The following DNM3 variants were observed in gnomAD, a reference collection of about 807,000 sequenced individuals.
The protein encoded by DNM3 is dynamin 3.
DNM3 carries 47 observed loss-of-function variants against 101.6 expected under a neutral mutation model. That is an observed-to-expected ratio of 0.46 (90% confidence interval 0.37 to 0.59). The LOEUF (loss-of-function observed/expected upper bound fraction) is 0.59. DNM3 is among the 20% of genes least tolerant of loss of function. The pLI is 0.00. For missense variants in DNM3, 849 were observed against 1,085.7 expected (o/e 0.78, Z 3.06); for synonymous variants, 385 against 387.9 (o/e 0.99, Z 0.09).
intron 15 of DNM3, among the ~76,000 whole-genome samples, chr1:172,299,219 A>G (rs1167937605): frequency 6.6e-6 from 1 of 152,226 alleles, no homozygotes; most frequent in African/African-American, 2.4e-5. Context: ...TGGCACAGAA[A>G]GAGCAAAGTG....
chr1:172,069,563 G>A (rs1055258011), intron 11 of DNM3, among the ~76,000 whole-genome samples: 3 of 152,140 alleles, frequency 2.0e-5, no homozygotes, highest in Admixed American at 1.3e-4. Flanking sequence ...AAAGGACTAC[G>A]TGGAAAGAAT....
At chr1:172,257,584 A>C (rs1179403557) in intron 15 of DNM3, among the ~76,000 whole-genome samples, 1 of 152,006 alleles carries the variant, frequency 6.6e-6, no homozygotes, top group Admixed American at 6.6e-5. Context: ...TTTTTTATTG[A>C]TACATAATAT....
intron 2 of DNM3, among the ~76,000 whole-genome samples, chr1:171,941,472 G>A (rs558161737): frequency 1.3e-5 from 2 of 152,298 alleles, no homozygotes; most frequent in African/African-American, 4.8e-5. Flanking sequence ...GTAGAGTGAG[G>A]AAGAATAGTG....
chr1:172,235,693 T>C (rs2061514553), intron 14 of DNM3, among the ~76,000 whole-genome samples: 1 of 152,110 alleles, frequency 6.6e-6, no homozygotes. Flanking sequence ...ATGTCCTTTG[T>C]AGGGACATGG....
chr1:172,304,430 T>C (rs2064673924), intron 15 of DNM3, among the ~76,000 whole-genome samples: 2 of 151,826 alleles, frequency 1.3e-5, no homozygotes, highest in African/African-American at 4.8e-5. Flanking sequence ...TCCCATACAA[T>C]AAGGGGAGAT....
chr1:172,396,281 G>A (rs1008334268), intron 20 of DNM3, among the ~76,000 whole-genome samples: 2 of 152,144 alleles, frequency 1.3e-5, no homozygotes, highest in African/African-American at 4.8e-5. Flanking sequence ...AGCAAAATTC[G>A]CAGTCACTCA....
At chr1:171,997,462 T>C (rs916670934) in intron 4 of DNM3, among the ~76,000 whole-genome samples, 7 of 152,052 alleles carry the variant, frequency 4.6e-5, no homozygotes, top group African/African-American at 1.7e-4. Flanking sequence ...GGATTTAGAG[T>C]AAAGGAGCAG....
rs2045460955 is a variant in DNM3 at position 171,988,961 on chromosome 1, T to A, written c.402T>A (p.Leu134=). ...TCCACACAGTGTTAAATCTAACCCT[T>A]ATTGATCTACCTGGAATAACTAAAG... ...VYSPHVLNLT[L]IDLPGITKVP... is the part of the protein sequence containing the mutation. The change falls in exon 4 of 21, where the codon CTT becomes CTA. Residue 134 remains leucine (L), a synonymous_variant. Coordinates refer to ENST00000627582, the MANE Select transcript of DNM3 (RefSeq NM_015569.5). 1.3e-6 allele frequency: 2 copies of A among 1,593,354 alleles called. No homozygotes were observed. The highest frequency in any genetic ancestry group is 1.8e-5 in the Admixed American group (1 of 56,870).
At chr1:172,135,745 T>C (rs1396020616) in intron 14 of DNM3, among the ~76,000 whole-genome samples, 2 of 152,082 alleles carry the variant, frequency 1.3e-5, no homozygotes, top group African/African-American at 4.8e-5. Flanking sequence ...ATTAATACTT[T>C]AAAATCAGAC....
chr1:172,059,434 C>T (rs1278018853), intron 10 of DNM3, among the ~76,000 whole-genome samples: 3 of 113,990 alleles, frequency 2.6e-5, no homozygotes, highest in Non-Finnish European at 5.3e-5. Context: ...AACATTGATG[C>T]AAAAATCCTC....
At chr1:171,926,524 C>G (rs1164503214) in intron 2 of DNM3, among the ~76,000 whole-genome samples, 2 of 152,134 alleles carry the variant, frequency 1.3e-5, no homozygotes, top group African/African-American at 4.8e-5. Flanking sequence ...AATCTGTTGA[C>G]CAGAGAAATA....
chr1:172,033,546 C>A (rs1278640445), intron 6 of DNM3, among the ~76,000 whole-genome samples: 1 of 152,080 alleles, frequency 6.6e-6, no homozygotes, highest in Non-Finnish European at 1.5e-5. Context: ...CATATACTCA[C>A]TTGTAATATG....
At chr1:171,942,201 ATTTTTTTTTTTT>A in intron 2 of DNM3, among the ~76,000 whole-genome samples, 1 of 103,580 alleles carries the variant, frequency 9.7e-6, no homozygotes, top group East Asian at 3.0e-4. Flanking sequence ...TGCTCACTTG[ATTTTTTTTTTTT>A]TTTTTTTTTT....
chr1:171,924,901 T>C (rs1169815096), intron 2 of DNM3, among the ~76,000 whole-genome samples: 1 of 152,140 alleles, frequency 6.6e-6, no homozygotes, highest in African/African-American at 2.4e-5. Context: ...GCCCACTTTT[T>C]TTTTTCCCCC....
At position 172,087,383 on chromosome 1, in the gene DNM3, T is replaced by G. The variant is rs556790206; in HGVS notation, c.1494-5441T>G. ...CACTCCAATGGTTTTAGTTGCCAAC[T>G]TTATCTGATGACTCCAAATCTAGAT... On this transcript the variant is annotated intron_variant, in intron 12 of 20. Transcript: ENST00000627582. Among the ~76,000 whole-genome samples, 8 of 152,286 alleles carry G rather than the reference T, an allele frequency of 5.3e-5. No homozygotes were observed. The South Asian group carries it at 1.7e-3, about 32-fold the overall frequency.
intron 15 of DNM3, among the ~76,000 whole-genome samples, chr1:172,271,641 A>C (rs546770345): frequency 2.6e-4 from 39 of 152,254 alleles, no homozygotes; most frequent in Non-Finnish European, 4.3e-4. Flanking sequence ...TATTCCACCA[A>C]AACTCGACAA....
intron 13 of DNM3, among the ~76,000 whole-genome samples, chr1:172,116,965 G>A (rs915210564): frequency 2.0e-5 from 3 of 152,078 alleles, no homozygotes; most frequent in Admixed American, 2.0e-4. Flanking sequence ...CATCACTTTG[G>A]GAGGCTGAGG....
Position 172,411,800 on chromosome 1 carries a change from ATCAT to A in DNM3, c.*3961_*3964del, listed in dbSNP as rs777825705. ...ATGAGACTTAAGCCATGAGTTTTGT[ATCAT>A]TTCAATTAGAAGACTACTAGCTGTG... On this transcript the variant is annotated 3_prime_UTR_variant, in exon 21 of 21. Coordinates refer to ENST00000627582, the MANE Select transcript of DNM3 (RefSeq NM_015569.5). The A allele has an allele frequency of 1.0e-6, 1 of 985,712 alleles. No homozygotes were observed. Among genetic ancestry groups the A allele is most frequent in the Non-Finnish European group, 1.2e-6 (1 of 829,848 alleles). 61.1% of individuals were successfully genotyped at this position (985,712 alleles called of 1,614,324 possible). A position where few individuals can be genotyped will look rare whatever the true frequency, so the allele number is the denominator to read the frequency against.
intron 1 of DNM3, among the ~76,000 whole-genome samples, chr1:171,911,018 G>C (rs953965336): frequency 6.6e-6 from 1 of 152,286 alleles, no homozygotes; most frequent in African/African-American, 2.4e-5. Context: ...TGAAATTAGT[G>C]TAGAATCCCT....
Sources: gnomAD v4.1 joint callset for allele counts (sites outside exome capture counted in the v4.1 genomes callset) on GRCh38, gnomAD v4.1.1 for gene constraint, MANE v1.5 for transcripts, NCBI Gene and HGNC (gene_info 2026-07-23, HGNC 2026-07-21) for gene names.